The following SLC1A3 variants were observed in gnomAD, a reference collection of about 807,000 sequenced individuals.
SLC1A3 encodes solute carrier family 1 member 3, also known as excitatory amino acid transporter 1.
A neutral mutation model predicts 48.1 loss-of-function variants in SLC1A3; 21 were observed. The observed-to-expected ratio is 0.44, with a 90% CI of 0.31 to 0.63. SLC1A3 has a LOEUF of 0.63. Ranked by LOEUF, SLC1A3 falls within the 20% of genes least tolerant of loss-of-function variation. The pLI is 0.08. For missense variants in SLC1A3, 546 were observed against 689.0 expected (o/e 0.79, Z 2.32); for synonymous variants, 239 against 251.4 (o/e 0.95, Z 0.47).
chr5:36,644,144 C>A (rs1456914096), intron 3 of SLC1A3, among the ~76,000 whole-genome samples: 2 of 150,884 alleles, frequency 1.3e-5, no homozygotes, highest in Non-Finnish European at 3.0e-5. Flanking sequence ...CCCCCACCCC[C>A]CATAGCAAAG....
intron 1 of SLC1A3, among the ~76,000 whole-genome samples, chr5:36,599,131 T>C (rs187927903): frequency 6.6e-6 from 1 of 152,294 alleles, no homozygotes; most frequent in African/African-American, 2.4e-5. Context: ...ATGTGGCTAG[T>C]GATTACCATA....
intron 2 of SLC1A3, among the ~76,000 whole-genome samples, chr5:36,619,996 C>A (rs959010565): frequency 6.6e-6 from 1 of 152,100 alleles, no homozygotes; most frequent in Non-Finnish European, 1.5e-5. Context: ...TCCAATTGAT[C>A]TCTCTCATTT....
At chr5:36,653,878 C>G (rs1202618198) in intron 3 of SLC1A3, among the ~76,000 whole-genome samples, 16 of 152,258 alleles carry the variant, frequency 1.1e-4, no homozygotes, top group Admixed American at 1.0e-3. Flanking sequence ...GAGCCTCGCT[C>G]TGTCGCCCAG....
chr5:36,650,206 CCT>C (rs1428765660), intron 3 of SLC1A3, among the ~76,000 whole-genome samples: 2 of 152,126 alleles, frequency 1.3e-5, no homozygotes, highest in Non-Finnish European at 2.9e-5. Flanking sequence ...GGGTGGAAGT[CCT>C]CTCTCCTGAA....
At chr5:36,647,007 G>A (rs2111830978) in intron 3 of SLC1A3, among the ~76,000 whole-genome samples, 1 of 152,230 alleles carries the variant, frequency 6.6e-6, no homozygotes, top group East Asian at 1.9e-4. Context: ...TAAAGGTCAG[G>A]GATAGAACTG....
chr5:36,679,506 AT>A (rs1325187147), intron 6 of SLC1A3, 120 bp from the exon 7 acceptor site: 2 of 767,652 alleles, frequency 2.6e-6, no homozygotes, highest in African/African-American at 3.4e-5. Flanking sequence ...TCCTAATGGT[AT>A]CCTGGGCAGG....
At chr5:36,666,157 G>A (rs1741737758) in intron 3 of SLC1A3, 1 of 151,912 alleles carries the variant, frequency 6.6e-6, no homozygotes, top group African/African-American at 2.4e-5. Flanking sequence ...CTCAGCAGTG[G>A]GCAGCTGCCT....
chr5:36,644,226 T>A (rs1740749262), intron 3 of SLC1A3, among the ~76,000 whole-genome samples: 1 of 150,756 alleles, frequency 6.6e-6, no homozygotes, highest in Non-Finnish European at 1.5e-5. Context: ...TTGTCTTAGG[T>A]GTGAGAGGAT....
intron 6 of SLC1A3, 107 bp from the exon 7 acceptor site, chr5:36,679,520 A>G (rs1212521663): frequency 2.5e-6 from 2 of 813,252 alleles, no homozygotes; most frequent in African/African-American, 3.3e-5. Flanking sequence ...TGGGCAGGAA[A>G]GTTTGGCAGT....
chr5:36,629,342 A>T, intron 2 of SLC1A3, 108 bp from the exon 3 acceptor site: 2 of 964,746 alleles, frequency 2.1e-6, no homozygotes, highest in Non-Finnish European at 3.2e-6. Context: ...TTTGCTGCTT[A>T]AATAAATACA....
chr5:36,680,101 T>C (rs966479268), intron 7 of SLC1A3, among the ~76,000 whole-genome samples: 1 of 152,198 alleles, frequency 6.6e-6, no homozygotes, highest in African/African-American at 2.4e-5. Flanking sequence ...CTCTCTTTAG[T>C]TGACATTTGC....
intron 1 of SLC1A3, 117 bp from the exon 2 acceptor site, chr5:36,608,212 C>T (rs1739038350): frequency 7.1e-6 from 4 of 562,494 alleles, no homozygotes; most frequent in Middle Eastern, 4.7e-4. Context: ...TTGTGGCTCT[C>T]CAGTCCTTGA....
intron 3 of SLC1A3, among the ~76,000 whole-genome samples, chr5:36,638,074 C>A (rs888705080): frequency 5.3e-5 from 8 of 152,244 alleles, no homozygotes; most frequent in Admixed American, 4.6e-4. Context: ...AGTTCAGATA[C>A]CCCCTCTTCT....
intron 3 of SLC1A3, among the ~76,000 whole-genome samples, chr5:36,651,536 CACCCTCCCA>C (rs1741074861): frequency 7.2e-6 from 1 of 138,132 alleles, no homozygotes; most frequent in Admixed American, 7.3e-5. Context: ...TCCTCCTCCC[CACCCTCCCA>C]CCCCCAGCCC....
At chr5:36,670,529 T>C (rs1405100776) in intron 3 of SLC1A3, among the ~76,000 whole-genome samples, 2 of 152,196 alleles carry the variant, frequency 1.3e-5, no homozygotes, top group Admixed American at 6.5e-5. Context: ...CAAATACATA[T>C]ATAAAATAAT....
chr5:36,672,700 A>G (rs1386125258), intron 4 of SLC1A3, among the ~76,000 whole-genome samples: 1 of 152,184 alleles, frequency 6.6e-6, no homozygotes, highest in African/African-American at 2.4e-5. Context: ...ATCTCTATGT[A>G]TGTAAACACT....
chr5:36,680,914 T>TG (rs1561285439), intron 8 of SLC1A3, among the ~76,000 whole-genome samples: 1 of 120,126 alleles, frequency 8.3e-6, no homozygotes. Flanking sequence ...AGACTCCATC[T>TG]CAAAAAAAAA....
intron 3 of SLC1A3, among the ~76,000 whole-genome samples, chr5:36,631,655 A>G (rs1740139121): frequency 1.3e-5 from 2 of 152,374 alleles, no homozygotes; most frequent in African/African-American, 4.8e-5. Context: ...TGCTAAGGCA[A>G]GGAGTCTGAG....
In SLC1A3 at chr5:36,619,510, C is replaced by T. The variant is rs113205564; in HGVS notation, c.182-9940C>T. Among the ~76,000 whole-genome samples, 897 of 152,172 alleles carry T rather than the reference C, an allele frequency of 5.9e-3. 12 individuals carry two copies. Among genetic ancestry groups the T allele is most frequent in the African/African-American group, 0.021 (858 of 41,488 alleles). On this transcript the variant is annotated intron_variant, in intron 2 of 9. Transcript: ENST00000265113. ...CTAAAATTAGCCAGGCGTTGTGGTG[C>T]GCACCTGTAGTCCTTGCTACTCAGA...
Sources: allele counts gnomAD v4.1 joint callset (sites outside exome capture counted in the v4.1 genomes callset), GRCh38; gene constraint gnomAD v4.1.1; transcripts MANE v1.5; gene names NCBI Gene and HGNC (gene_info 2026-07-23, HGNC 2026-07-21).